Variants in C1QTNF5 observed in about 807,000 individuals in gnomAD.
The protein encoded by C1QTNF5 is C1q and TNF related 5.
In C1QTNF5, 5 loss-of-function variants were observed where a neutral mutation model predicts 10.9. That is an observed-to-expected ratio of 0.46 (90% confidence interval 0.24 to 0.97). The LOEUF (loss-of-function observed/expected upper bound fraction) is 0.97. C1QTNF5 is among the 50% of genes least tolerant of loss of function. The pLI is 0.19. For missense variants in C1QTNF5, 281 were observed against 339.4 expected (o/e 0.83, Z 1.35); for synonymous variants, 161 against 156.5 (o/e 1.03, Z -0.22).
chr11:119,346,533 C>A, the C1QTNF5 span: 1 of 1,613,662 alleles, frequency 6.2e-7, no homozygotes, highest in Non-Finnish European at 8.5e-7. Flanking sequence ...CTCTGCATGG[C>A]TTTCTGGAGT....
upstream of C1QTNF5, chr11:119,345,143 C>T: frequency 8.7e-7 from 1 of 1,155,876 alleles, no homozygotes; most frequent in South Asian, 1.5e-5. Context: ...TCTGATGTCC[C>T]AGGGAGCTCT....
At chr11:119,345,504 A>G (rs1472611111), upstream of C1QTNF5, 4 of 1,613,958 alleles carry the variant, frequency 2.5e-6, no homozygotes, top group Non-Finnish European at 3.4e-6. Flanking sequence ...GAGGGCTTCG[A>G]TCTTGAGCTG....
At chr11:119,341,482 C>A (rs374604094), upstream of C1QTNF5, 2 of 1,357,454 alleles carry the variant, frequency 1.5e-6, no homozygotes, top group Non-Finnish European at 2.1e-6. Flanking sequence ...TCCTTTGTTC[C>A]CCTGCGTGCC....
upstream of C1QTNF5, chr11:119,345,135 T>G (rs1950547583): frequency 8.1e-7 from 1 of 1,232,950 alleles, no homozygotes; most frequent in African/African-American, 1.5e-5. Flanking sequence ...AAGGCTCCTC[T>G]GATGTCCCAG....
At chr11:119,345,728 G>A (rs371389579), upstream of C1QTNF5, 216 of 1,612,476 alleles carry the variant, frequency 1.3e-4, no homozygotes, top group African/African-American at 1.7e-4. Flanking sequence ...ACCCCACCCC[G>A]TCATCTTGGG....
upstream of C1QTNF5, chr11:119,345,589 G>C: frequency 1.2e-6 from 2 of 1,613,880 alleles, no homozygotes; most frequent in East Asian, 4.5e-5. Context: ...GGGTAGTTAG[G>C]GCTGCTGAAG....
At chr11:119,342,099 G>A, upstream of C1QTNF5, 1 of 1,204,578 alleles carries the variant, frequency 8.3e-7, no homozygotes, top group Non-Finnish European at 1.2e-6. Context: ...GGGTGGTTGT[G>A]AGGAAGCAAG....
At chr11:119,345,167 C>T (rs1217771514), upstream of C1QTNF5, among the ~76,000 whole-genome samples, 1 of 152,200 alleles carries the variant, frequency 6.6e-6, no homozygotes, top group Non-Finnish European at 1.5e-5. Flanking sequence ...CTTCCTAGCA[C>T]CTGCACATTT....
At chr11:119,344,104 AT>A, upstream of C1QTNF5, 1 of 1,185,366 alleles carries the variant, frequency 8.4e-7, no homozygotes, top group Non-Finnish European at 1.2e-6. Flanking sequence ...AGGACCTTTA[AT>A]TTACCTGGTT....
In C1QTNF5 at chr11:119,339,926, T is replaced by C. The variant is rs1950483236; in HGVS notation, c.215-78A>G. Reference sequence around the variant, plus strand: ...CGGGGCGGCGACTCTAAGGTCACCGTACCCCTCCCCGCCCCTGCCTGAGCT... The same window carrying C: ...CGGGGCGGCGACTCTAAGGTCACCGCACCCCTCCCCGCCCCTGCCTGAGCT... On this transcript the variant is annotated intron_variant, in intron 2 of 2. Coordinates refer to ENST00000528368, the MANE Select transcript of C1QTNF5 (RefSeq NM_001278431.2). This position sits in a 1 kb window ranked among gnomAD's most constrained non-coding sequence, Gnocchi z 5.4. 2.1e-6 allele frequency: 3 copies of C among 1,407,770 alleles called. No homozygotes were observed. Among genetic ancestry groups the C allele is most frequent in the Middle Eastern group, 5.2e-4 (2 of 3,830 alleles). 87.2% of individuals were successfully genotyped at this position (1,407,770 alleles called of 1,614,324 possible). A position where few individuals can be genotyped will look rare whatever the true frequency, so the allele number is the denominator to read the frequency against.
upstream of C1QTNF5, chr11:119,341,929 G>A: frequency 6.2e-7 from 1 of 1,614,018 alleles, no homozygotes; most frequent in African/African-American, 1.3e-5. Context: ...GGAAGGCTGT[G>A]GTGTTGTAGC....
upstream of C1QTNF5, chr11:119,341,390 C>CGTAT: frequency 6.2e-6 from 4 of 640,084 alleles, no homozygotes; most frequent in Admixed American, 2.9e-5. Flanking sequence ...TGGTAGGGTC[C>CGTAT]CATGAGCCCC....
chr11:119,344,377 G>C, upstream of C1QTNF5: 1 of 1,613,852 alleles, frequency 6.2e-7, no homozygotes, highest in Non-Finnish European at 8.5e-7. Flanking sequence ...AGGCCAGTCA[G>C]ATTCCCCCCA....
rs1470363362 is a variant in C1QTNF5, at chr11:119,340,334, TGTC to T, written c.61_63del (p.Asp21del). ...CCCGGGCAGAGGCTGGGGATCTTGT[TGTC>T]GTCCAGTGGGGGCGAGCCGGCCGCC... On this transcript the variant is annotated inframe_deletion, in exon 2 of 3. Coordinates refer to ENST00000528368, the MANE Select transcript of C1QTNF5 (RefSeq NM_001278431.2). The T allele has an allele frequency of 8.4e-6, 13 of 1,543,304 alleles. No individual in the cohort carries two copies. The highest frequency in any genetic ancestry group is 1.1e-5 in the Non-Finnish European group (13 of 1,145,074).
chr11:119,342,835 C>G, upstream of C1QTNF5: 1 of 1,613,056 alleles, frequency 6.2e-7, no homozygotes, highest in South Asian at 1.1e-5. Context: ...CCTGGAGGTG[C>G]CTCTACTGCC....
chr11:119,339,774 C>G lies in C1QTNF5; in HGVS notation c.289G>C (p.Glu97Gln). The change falls in exon 3 of 3, where the codon GAG (glutamate) becomes CAG (glutamine). Residue 97 changes from glutamate (E) to glutamine (Q), a missense_variant. Glu to Gln is a conservative substitution (Grantham distance 29). Transcript: ENST00000528368. This position sits in a 1 kb window ranked among gnomAD's most constrained non-coding sequence, Gnocchi z 5.4. ...GPAGPTGPAG[E>Q]CSVPPRSAFS... Reference sequence around the variant, plus strand: ...GCGGATCGCGGAGGCACCGAGCACTCCCCGGCAGGCCCGGTGGGCCCCGCG... The same window carrying G: ...GCGGATCGCGGAGGCACCGAGCACTGCCCGGCAGGCCCGGTGGGCCCCGCG... The G allele has an allele frequency of 6.5e-7, 1 of 1,548,610 alleles. No homozygotes were observed. Among genetic ancestry groups the G allele is most frequent in the South Asian group, 1.2e-5 (1 of 84,910 alleles).
At chr11:119,345,179 T>C (rs530759313), upstream of C1QTNF5, among the ~76,000 whole-genome samples, 3 of 152,300 alleles carry the variant, frequency 2.0e-5, no homozygotes, top group Admixed American at 1.3e-4. Flanking sequence ...TGCACATTTA[T>C]CCTTGTAGCA....
At chr11:119,345,882 A>T, upstream of C1QTNF5, 1 of 1,613,668 alleles carries the variant, frequency 6.2e-7, no homozygotes, top group South Asian at 1.1e-5. Flanking sequence ...GGCCTCCGGC[A>T]GGCAGTGGGC....
chr11:119,344,345 G>T (rs769550949), upstream of C1QTNF5: 1 of 1,614,030 alleles, frequency 6.2e-7, no homozygotes, highest in Admixed American at 1.7e-5. Context: ...GCAGGTAGCT[G>T]GGAGTAGAGA....
Sources: gnomAD v4.1 joint callset for allele counts (sites outside exome capture counted in the v4.1 genomes callset) on GRCh38, gnomAD v4.1.1 for gene constraint, Gnocchi (gnomAD v3.1) non-coding constraint, MANE v1.5 for transcripts, NCBI Gene and HGNC (gene_info 2026-07-23, HGNC 2026-07-21) for gene names.